The following ACOT12 variants were observed in gnomAD, a reference collection of about 807,000 sequenced individuals.
The protein encoded by ACOT12 is acetyl-coenzyme A thioesterase.
In ACOT12, 51 loss-of-function variants were observed where a neutral mutation model predicts 67.7. The observed-to-expected ratio is 0.75, with a 90% confidence interval of 0.60 to 0.95. The LOEUF (loss-of-function observed/expected upper bound fraction) is 0.95. ACOT12 is among the 40% of genes least tolerant of loss of function. The probability of loss-of-function intolerance (pLI) is 0.00; values close to 1 mark genes in which losing one functional copy is unlikely to be tolerated. For missense variants in ACOT12, 734 were observed against 708.1 expected (o/e 1.04, Z -0.41); for synonymous variants, 251 against 244.6 (o/e 1.03, Z -0.24).
At position 81,330,494 on chromosome 5, in the gene ACOT12, C is replaced by T. The variant is rs1487157070; in HGVS notation, c.1568G>A (p.Gly523Glu). ...GGATTTTGACCAGCCACCAAGATTT[C>T]CAGCAAAGTAAGGAAGGATGCTAGC... ...MSASILPYFAGNLGGWSKSIE... is the reference protein window; with the variant it reads ...MSASILPYFAENLGGWSKSIE... The change falls in exon 15 of 15, where the codon GGA (glycine) becomes GAA (glutamate). Residue 523 changes from glycine to glutamate, a missense_variant. Physicochemically the swap from Gly to Glu is moderately conservative, Grantham distance 98. Coordinates refer to ENST00000307624, the MANE Select transcript of ACOT12 (RefSeq NM_130767.3). The T allele has an allele frequency of 1.9e-6, 3 of 1,613,950 alleles. No homozygotes were observed. In the Admixed American group the frequency reaches 5.0e-5, roughly 27 times the overall value.
In ACOT12 at chr5:81,359,979, AG is replaced by A. The variant is rs760583713; in HGVS notation, c.419del (p.Ala140ValfsTer18). On this transcript the variant is annotated frameshift_variant, in exon 5 of 15. Transcript: ENST00000307624. LOFTEE classifies it high-confidence loss of function. ...TEQDHVEHNL[A>X]AERRKVRLQH... is the part of the protein sequence containing the mutation. ...GTAATCGAACTTTCCTTCTCTCAGC[AG>A]CCAGATTATGTTCCACATGATCTTG... 22 of 1,613,028 alleles carry A rather than the reference AG, an allele frequency of 1.4e-5. No homozygotes were observed. Among genetic ancestry groups the A allele is most frequent in the South Asian group, 1.1e-4 (10 of 90,778 alleles).
At chr5:81,347,419 T>C (rs574157927) in intron 6 of ACOT12, among the ~76,000 whole-genome samples, 1 of 152,328 alleles carries the variant, frequency 6.6e-6, no homozygotes. Flanking sequence ...CCTAGACTGA[T>C]TATTTTTAAG....
intron 2 of ACOT12, among the ~76,000 whole-genome samples, chr5:81,378,984 A>G (rs978664748): frequency 1.4e-4 from 22 of 152,244 alleles, no homozygotes; most frequent in South Asian, 2.1e-4. Flanking sequence ...TACTGGTTAT[A>G]TACCCAAAGG....
chr5:81,368,929 C>G (rs1426852049), intron 3 of ACOT12, among the ~76,000 whole-genome samples: 1 of 150,832 alleles, frequency 6.6e-6, no homozygotes, highest in Non-Finnish European at 1.5e-5. Context: ...AGGGTACTGA[C>G]CTGAAGTAAA....
chr5:81,391,936 T>G, intron 1 of ACOT12, among the ~76,000 whole-genome samples: 1 of 152,118 alleles, frequency 6.6e-6, no homozygotes, highest in East Asian at 1.9e-4. Context: ...ACTCCAGAGA[T>G]AGTAAACCCT....
intron 14 of ACOT12, 132 bp from the exon 15 acceptor site, chr5:81,330,675 T>C: frequency 3.4e-6 from 5 of 1,481,208 alleles, no homozygotes; most frequent in African/African-American, 1.4e-5. Context: ...GAATAGATGA[T>C]CCGAAAGGAT....
the ACOT12 span, among the ~76,000 whole-genome samples, chr5:81,310,474 G>A: frequency 6.6e-6 from 1 of 151,780 alleles, no homozygotes; most frequent in Admixed American, 6.6e-5. Context: ...TCAAGATTTG[G>A]GGGAAAAAAA....
chr5:81,385,658 A>T, intron 2 of ACOT12, 99 bp downstream of exon 2: 2 of 1,092,562 alleles, frequency 1.8e-6, no homozygotes, highest in South Asian at 2.8e-5. Flanking sequence ...AAGAAACAAG[A>T]TCACTACCTC....
intron 11 of ACOT12, among the ~76,000 whole-genome samples, chr5:81,336,934 C>T (rs1307568483): frequency 1.3e-5 from 2 of 152,168 alleles, no homozygotes; most frequent in African/African-American, 4.8e-5. Context: ...TTTGCTTACA[C>T]CATTTAACCT....
chr5:81,382,415 T>C (rs1289007119), intron 2 of ACOT12, among the ~76,000 whole-genome samples: 1 of 152,168 alleles, frequency 6.6e-6, no homozygotes, highest in Non-Finnish European at 1.5e-5. Flanking sequence ...TAAGCACCTT[T>C]AACTTTGGGC....
chr5:81,326,610 G>A (rs114050858), downstream of ACOT12, among the ~76,000 whole-genome samples: 657 of 152,330 alleles, frequency 4.3e-3, 10 homozygotes, highest in African/African-American at 0.015. Flanking sequence ...CCTAGTGAAT[G>A]CTGCAGACAT....
intron 2 of ACOT12, among the ~76,000 whole-genome samples, chr5:81,376,877 C>T (rs1240307394): frequency 6.6e-6 from 1 of 152,114 alleles, no homozygotes; most frequent in African/African-American, 2.4e-5. Context: ...AGTCCAGGCC[C>T]AGATGGATTC....
Position 81,345,955 on chromosome 5 carries a change from A to T in ACOT12, c.703T>A (p.Phe235Ile). 6.2e-7 allele frequency: 1 copy of T among 1,614,084 alleles called. No individual in the cohort carries two copies. ...TCTCCAACTGTAGATGGTCCCCGGA[A>T]CTTAAACATATCTACGGACTTCAGA... Reference protein sequence around the residue: ...PFLKSVDMFKFRGPSTVGDRL... With the variant: ...PFLKSVDMFKIRGPSTVGDRL... The change falls in exon 7 of 15, where the codon TTC becomes ATC. Residue 235 changes from phenylalanine to isoleucine, a missense_variant. Transcript: ENST00000307624.
At chr5:81,345,188 G>A in intron 7 of ACOT12, 147 bp from the exon 8 acceptor site, 1 of 1,041,768 alleles carries the variant, frequency 9.6e-7, no homozygotes, top group Non-Finnish European at 1.3e-6. Context: ...TTTGTTATCA[G>A]CAAACCTGTG....
chr5:81,341,540 T>C (rs961425664), intron 11 of ACOT12, among the ~76,000 whole-genome samples: 2 of 152,244 alleles, frequency 1.3e-5, no homozygotes, highest in African/African-American at 4.8e-5. Context: ...TCCTATTTCA[T>C]AGGCTGCTGC....
At chr5:81,366,659 T>C (rs1189043750) in intron 3 of ACOT12, among the ~76,000 whole-genome samples, 1 of 151,998 alleles carries the variant, frequency 6.6e-6, no homozygotes, top group Non-Finnish European at 1.5e-5. Context: ...TGACTCCTAA[T>C]ATAGAGAAAA....
intron 13 of ACOT12, among the ~76,000 whole-genome samples, chr5:81,331,309 A>ATG (rs1758818122): frequency 6.6e-6 from 1 of 152,190 alleles, no homozygotes; most frequent in African/African-American, 2.4e-5. Flanking sequence ...AGGCTGAGGC[A>ATG]GGCAGATCAC....
chr5:81,371,450 G>T (rs1467479048), intron 3 of ACOT12, among the ~76,000 whole-genome samples: 1 of 151,822 alleles, frequency 6.6e-6, no homozygotes, highest in Non-Finnish European at 1.5e-5. Flanking sequence ...ATTGGGTCTT[G>T]CTATCTTGCC....
chr5:81,333,220 A>C (rs6881271), intron 12 of ACOT12, among the ~76,000 whole-genome samples: 31,347 of 152,154 alleles, frequency 0.21, 3,460 homozygotes, highest in African/African-American at 0.29. Flanking sequence ...TTTACACAAA[A>C]TTATTTTTCT....
Sources: gnomAD v4.1 joint callset for allele counts (sites outside exome capture counted in the v4.1 genomes callset) on GRCh38, gnomAD v4.1.1 for gene constraint, MANE v1.5 for transcripts, NCBI Gene and HGNC (gene_info 2026-07-23, HGNC 2026-07-21) for gene names.